ZFAND3: variants seen among roughly 807,000 people sequenced by gnomAD.
ZFAND3 encodes the protein AN1-type zinc finger protein 3.
ZFAND3 carries 10 observed loss-of-function variants against 29.6 expected under a neutral mutation model. The ratio of observed to expected loss-of-function variants is 0.34; its 90% CI spans 0.21 to 0.57. ZFAND3 has a LOEUF of 0.57. Ranked by LOEUF, ZFAND3 falls within the 20% of genes least tolerant of loss-of-function variation. The probability of loss-of-function intolerance (pLI) is 0.86; values close to 1 mark genes in which losing one functional copy is unlikely to be tolerated. For missense variants in ZFAND3, 230 were observed against 304.5 expected (o/e 0.76, Z 1.82); for synonymous variants, 128 against 112.6 (o/e 1.14, Z -0.87).
intron 4 of ZFAND3, among the ~76,000 whole-genome samples, chr6:38,089,568 G>C (rs541625615): frequency 1.2e-4 from 19 of 152,308 alleles, no homozygotes; most frequent in African/African-American, 4.3e-4. Context: ...CCAGTTAAAG[G>C]GAAATGTTTC....
chr6:37,845,189 A>C (rs1039015523), intron 1 of ZFAND3, among the ~76,000 whole-genome samples: 1 of 152,196 alleles, frequency 6.6e-6, no homozygotes, highest in Non-Finnish European at 1.5e-5. Context: ...GGAGTAGCAC[A>C]GAGCTTGGGG....
At chr6:37,980,066 T>G (rs1160344502) in intron 2 of ZFAND3, among the ~76,000 whole-genome samples, 1 of 152,154 alleles carries the variant, frequency 6.6e-6, no homozygotes, top group Non-Finnish European at 1.5e-5. Context: ...TCATGTTCCC[T>G]TCTCTGTTCC....
chr6:38,062,371 G>T (rs1764258064), intron 3 of ZFAND3: 1 of 151,952 alleles, frequency 6.6e-6, no homozygotes, highest in South Asian at 2.1e-4. Context: ...TAGGTTAGAA[G>T]TTCACTGTCT....
At chr6:38,105,406 TA>T (rs869098158) in intron 4 of ZFAND3, among the ~76,000 whole-genome samples, 1 of 152,076 alleles carries the variant, frequency 6.6e-6, no homozygotes, top group Non-Finnish European at 1.5e-5. Context: ...CCCAGTCTAT[TA>T]AAAAAAATTT....
intron 2 of ZFAND3, among the ~76,000 whole-genome samples, chr6:38,026,897 C>T (rs1183767035): frequency 6.7e-6 from 1 of 150,120 alleles, no homozygotes; most frequent in Non-Finnish European, 1.5e-5. Context: ...TGCACATTAG[C>T]TAATTTACTC....
At chr6:38,095,459 A>G (rs979323585) in intron 4 of ZFAND3, among the ~76,000 whole-genome samples, 1 of 151,436 alleles carries the variant, frequency 6.6e-6, no homozygotes, top group South Asian at 2.1e-4. Context: ...ATTTGGTTTT[A>G]CGTCACCACT....
At chr6:38,133,084 C>G (rs993377577) in intron 5 of ZFAND3, among the ~76,000 whole-genome samples, 1 of 152,168 alleles carries the variant, frequency 6.6e-6, no homozygotes, top group Admixed American at 6.5e-5. Context: ...CCTCACAAAA[C>G]CTGGTGTCTT....
intron 2 of ZFAND3, among the ~76,000 whole-genome samples, chr6:38,025,655 A>G (rs899250290): frequency 6.6e-6 from 1 of 152,206 alleles, no homozygotes; most frequent in Non-Finnish European, 1.5e-5. Context: ...GGCCAGTCTC[A>G]TTCATCCATA....
intron 1 of ZFAND3, among the ~76,000 whole-genome samples, chr6:37,918,951 C>CTTGTTTTTTTTTTTTTTTTTTTT (rs1761318785): frequency 9.5e-6 from 1 of 104,738 alleles, no homozygotes; most frequent in African/African-American, 4.1e-5. Flanking sequence ...TGAAAAATGC[C>CTTGTTTTTTTTTTTTTTTTTTTT]TTTTTTTTTT....
At chr6:37,839,423 C>T (rs1318443949) in intron 1 of ZFAND3, among the ~76,000 whole-genome samples, 3 of 152,076 alleles carry the variant, frequency 2.0e-5, no homozygotes, top group Non-Finnish European at 4.4e-5. Context: ...CTCAAGTGAT[C>T]TGCCTGCCTT....
At chr6:37,906,068 C>G (rs1034263320) in intron 1 of ZFAND3, among the ~76,000 whole-genome samples, 1 of 152,026 alleles carries the variant, frequency 6.6e-6, no homozygotes, top group Non-Finnish European at 1.5e-5. Flanking sequence ...CCATTTTAAA[C>G]CATTTTAACC....
chr6:38,055,923 A>T (rs1445832845), intron 2 of ZFAND3, among the ~76,000 whole-genome samples: 1 of 152,210 alleles, frequency 6.6e-6, no homozygotes, highest in Non-Finnish European at 1.5e-5. Context: ...TATCCAGTTA[A>T]TGTTTATTGA....
intron 1 of ZFAND3, among the ~76,000 whole-genome samples, chr6:37,847,738 A>G (rs1764208700): frequency 6.6e-6 from 1 of 152,258 alleles, no homozygotes; most frequent in South Asian, 2.1e-4. Context: ...TAAACTGCCT[A>G]GAGCCAGATC....
chr6:38,126,547 G>A (rs752423803), intron 5 of ZFAND3, among the ~76,000 whole-genome samples: 1 of 151,996 alleles, frequency 6.6e-6, no homozygotes, highest in Non-Finnish European at 1.5e-5. Flanking sequence ...TCCTGTTCTC[G>A]CCAACATTTA....
intron 2 of ZFAND3, among the ~76,000 whole-genome samples, chr6:37,979,735 C>T (rs1399943453): frequency 6.6e-6 from 1 of 152,124 alleles, no homozygotes; most frequent in Non-Finnish European, 1.5e-5. Context: ...ATGTGCTGAC[C>T]TGTACTTGGC....
At chr6:37,901,261 A>G (rs1445614266) in intron 1 of ZFAND3, among the ~76,000 whole-genome samples, 1 of 152,194 alleles carries the variant, frequency 6.6e-6, no homozygotes, top group Non-Finnish European at 1.5e-5. Context: ...ATCCTGAGAA[A>G]GCAAGGGAGA....
chr6:37,889,396 C>T (rs1765054840), intron 1 of ZFAND3, among the ~76,000 whole-genome samples: 1 of 152,172 alleles, frequency 6.6e-6, no homozygotes, highest in African/African-American at 2.4e-5. Context: ...GATTGCTATA[C>T]TGGCTTAGAC....
intron 5 of ZFAND3, among the ~76,000 whole-genome samples, chr6:38,147,826 T>TC (rs1766141799): frequency 6.6e-6 from 1 of 152,170 alleles, no homozygotes; most frequent in South Asian, 2.1e-4. Flanking sequence ...ATTTTTTTTT[T>TC]CCTGTTAAGT....
chr6:38,012,876 CTTG>C (rs1411665826), intron 2 of ZFAND3, among the ~76,000 whole-genome samples: 1 of 151,958 alleles, frequency 6.6e-6, no homozygotes, highest in African/African-American at 2.4e-5. Flanking sequence ...GGCTGAGGGG[CTTG>C]TTGTTTTTTA....
Sources: gnomAD v4.1 joint callset for allele counts (sites outside exome capture counted in the v4.1 genomes callset) on GRCh38, gnomAD v4.1.1 for gene constraint, MANE v1.5 for transcripts, NCBI Gene and HGNC (gene_info 2026-07-23, HGNC 2026-07-21) for gene names.